The following PIP4K2A variants were observed in gnomAD, a reference collection of about 807,000 sequenced individuals.
The protein encoded by PIP4K2A is phosphatidylinositol 5-phosphate 4-kinase type-2 alpha.
A neutral mutation model predicts 42.9 loss-of-function variants in PIP4K2A; 14 were observed. That is an observed-to-expected ratio of 0.33 (90% CI 0.22 to 0.51). The LOEUF (loss-of-function observed/expected upper bound fraction) is 0.51. Ranked by LOEUF, PIP4K2A falls within the 20% of genes least tolerant of loss-of-function variation. The pLI, the probability that PIP4K2A is intolerant of heterozygous loss-of-function variation, is 0.97. For missense variants in PIP4K2A, 434 were observed against 519.8 expected (o/e 0.83, Z 1.61); for synonymous variants, 192 against 192.2 (o/e 1.00, Z 0.01).
At position 22,608,238 on chromosome 10, in the gene PIP4K2A, G is replaced by C. The variant is rs551141388; in HGVS notation, c.243-215C>G. On this transcript the variant is annotated intron_variant, in intron 2 of 9. Transcript: ENST00000376573. ...TGTCTGTCTCCTTTGTCACAGGCAC[G>C]CTTGGACTATGTGACCTCTTTAAAT... 3.9e-5 allele frequency among the ~76,000 whole-genome samples: 6 copies of C among 152,316 alleles called. No individual in the cohort carries two copies. In the East Asian group the frequency reaches 9.6e-4, roughly 24 times the overall value.
At chr10:22,630,315 A>G (rs944812523) in intron 1 of PIP4K2A, among the ~76,000 whole-genome samples, 1 of 152,132 alleles carries the variant, frequency 6.6e-6, no homozygotes, top group Non-Finnish European at 1.5e-5. Context: ...CCTAATTTCC[A>G]TAATGATTTA....
Position 22,601,795 on chromosome 10 carries a change from G to GT in PIP4K2A, c.339+6131dup, listed in dbSNP as rs375263960. 5.3e-3 allele frequency among the ~76,000 whole-genome samples: 809 copies of GT among 152,248 alleles called. 10 individuals carry two copies. The highest frequency in any genetic ancestry group is 0.018 in the African/African-American group (765 of 41,542). On this transcript the variant is annotated intron_variant, in intron 3 of 9. Coordinates refer to ENST00000376573, the MANE Select transcript of PIP4K2A (RefSeq NM_005028.5). ...CCTCACCAGGTATCCTACCACTACG[G>GT]TAAGTCAACAGGTCAAAAACTCAAC...
chr10:22,607,783 T>C (rs954074506), intron 3 of PIP4K2A, 144 bp downstream of exon 3: 2 of 557,032 alleles, frequency 3.6e-6, no homozygotes, highest in Non-Finnish European at 3.2e-6. Flanking sequence ...TACTTCAGCA[T>C]GAACATTAAA....
chr10:22,638,614 A>G (rs1333168472), intron 1 of PIP4K2A, among the ~76,000 whole-genome samples: 8 of 152,176 alleles, frequency 5.3e-5, no homozygotes, highest in Non-Finnish European at 8.8e-5. Context: ...CAAAATAAGT[A>G]TCTTAAACGG....
chr10:22,622,917 CA>C (rs1169143749), intron 1 of PIP4K2A, among the ~76,000 whole-genome samples: 3 of 151,306 alleles, frequency 2.0e-5, no homozygotes, highest in Non-Finnish European at 4.4e-5. Context: ...TGCATTATTT[CA>C]AAAAAAAGAA....
chr10:22,673,320 G>A (rs1839491121), intron 1 of PIP4K2A, among the ~76,000 whole-genome samples: 1 of 152,178 alleles, frequency 6.6e-6, no homozygotes, highest in South Asian at 2.1e-4. Context: ...GGAAGGAACT[G>A]GGTTTTATTC....
chr10:22,696,496 A>G (rs1839976127), intron 1 of PIP4K2A, among the ~76,000 whole-genome samples: 1 of 152,218 alleles, frequency 6.6e-6, no homozygotes, highest in Non-Finnish European at 1.5e-5. Context: ...GGCCACTCTG[A>G]TTAAGTAGAA....
At chr10:22,711,193 G>C (rs564277338) in intron 1 of PIP4K2A, among the ~76,000 whole-genome samples, 1 of 152,270 alleles carries the variant, frequency 6.6e-6, no homozygotes, top group South Asian at 2.1e-4. Flanking sequence ...GCTTACTCCC[G>C]ACTATGACCA....
intron 1 of PIP4K2A, among the ~76,000 whole-genome samples, chr10:22,666,901 A>G (rs1195746144): frequency 6.6e-6 from 1 of 152,246 alleles, no homozygotes; most frequent in Non-Finnish European, 1.5e-5. Flanking sequence ...TCTCTGCAAG[A>G]AAGTTAATCA....
chr10:22,713,375 G>A (rs1004175179), intron 1 of PIP4K2A, among the ~76,000 whole-genome samples: 3 of 151,918 alleles, frequency 2.0e-5, no homozygotes, highest in African/African-American at 7.3e-5. Flanking sequence ...CGCCCGCCGG[G>A]ACCCCCGCCT....
intron 5 of PIP4K2A, among the ~76,000 whole-genome samples, chr10:22,572,419 C>A (rs1837011725): frequency 6.6e-6 from 1 of 152,148 alleles, no homozygotes; most frequent in African/African-American, 2.4e-5. Flanking sequence ...AGTTCAAGAT[C>A]AGCCTGGGCA....
At chr10:22,684,353 A>G (rs1839720230) in intron 1 of PIP4K2A, among the ~76,000 whole-genome samples, 1 of 152,064 alleles carries the variant, frequency 6.6e-6, no homozygotes, top group African/African-American at 2.4e-5. Context: ...TTTTTCTTTG[A>G]TTGCCACTGC....
intron 6 of PIP4K2A, among the ~76,000 whole-genome samples, chr10:22,566,913 T>C (rs535073415): frequency 3.3e-5 from 5 of 152,348 alleles, no homozygotes; most frequent in African/African-American, 7.2e-5. Context: ...TCTTTCTGTG[T>C]GTCTTGTTAT....
intron 1 of PIP4K2A, among the ~76,000 whole-genome samples, chr10:22,691,323 A>G (rs2130899156): frequency 1.3e-5 from 2 of 152,204 alleles, no homozygotes; most frequent in South Asian, 4.2e-4. Context: ...ATGCTCATCC[A>G]TATACCGGCC....
intron 7 of PIP4K2A, among the ~76,000 whole-genome samples, chr10:22,548,207 T>C (rs921354867): frequency 6.6e-6 from 1 of 152,200 alleles, no homozygotes; most frequent in Non-Finnish European, 1.5e-5. Context: ...CTAAAGACAC[T>C]GTTATCAGCT....
intron 4 of PIP4K2A, among the ~76,000 whole-genome samples, chr10:22,578,387 T>C (rs1044986722): frequency 6.6e-6 from 1 of 152,218 alleles, no homozygotes; most frequent in Non-Finnish European, 1.5e-5. Flanking sequence ...CAATGACCTT[T>C]GAGTGGTTAA....
At chr10:22,567,531 C>G (rs1383821803) in intron 6 of PIP4K2A, 1 of 563,122 alleles carries the variant, frequency 1.8e-6, no homozygotes. Flanking sequence ...CGCAGGAACG[C>G]ACTCTCAGCT....
At chr10:22,539,068 G>C (rs1588609909) in intron 9 of PIP4K2A, among the ~76,000 whole-genome samples, 1 of 152,138 alleles carries the variant, frequency 6.6e-6, no homozygotes, top group African/African-American at 2.4e-5. Context: ...ATGGCTTTCA[G>C]GACCTCTGCA....
chr10:22,547,932 T>G (rs1776041636), intron 7 of PIP4K2A, among the ~76,000 whole-genome samples: 1 of 152,198 alleles, frequency 6.6e-6, no homozygotes, highest in Non-Finnish European at 1.5e-5. Flanking sequence ...GAACCTCAGA[T>G]GAAAATTAGT....
Sources: gnomAD v4.1 joint callset for allele counts (sites outside exome capture counted in the v4.1 genomes callset) on GRCh38, gnomAD v4.1.1 for gene constraint, MANE v1.5 for transcripts, NCBI Gene and HGNC (gene_info 2026-07-23, HGNC 2026-07-21) for gene names.